CADPS: variants seen among roughly 807,000 people sequenced by gnomAD.
The protein encoded by CADPS is calcium dependent secretion activator, also known as calcium-dependent secretion activator 1.
Under a neutral mutation model 167.3 loss-of-function variants are expected in CADPS, and 57 were observed. The observed-to-expected ratio is 0.34, with a 90% CI of 0.28 to 0.42. CADPS has a LOEUF of 0.42. Ranked by LOEUF, CADPS falls within the 20% of genes least tolerant of loss-of-function variation. CADPS has a pLI of 1.00. For synonymous variants in CADPS, 676 were observed against 635.3 expected (o/e 1.06, Z -0.96); for missense variants, 1,414 against 1,738.1 (o/e 0.81, Z 3.32).
At chr3:62,669,425 G>T (rs1266015154) in intron 3 of CADPS, among the ~76,000 whole-genome samples, 1 of 152,212 alleles carries the variant, frequency 6.6e-6, no homozygotes. Context: ...ACCAGGAGAT[G>T]GGGGTGCCCA....
intron 17 of CADPS, among the ~76,000 whole-genome samples, chr3:62,509,131 C>T (rs897364345): frequency 6.6e-6 from 1 of 151,716 alleles, no homozygotes; most frequent in Admixed American, 6.6e-5. Context: ...GGTAAAACCC[C>T]ATCTCTACTA....
chr3:62,845,226 G>C (rs999364864), intron 1 of CADPS, among the ~76,000 whole-genome samples: 1 of 152,174 alleles, frequency 6.6e-6, no homozygotes, highest in East Asian at 1.9e-4. Flanking sequence ...GAGAGAACAA[G>C]AACTTGGCTT....
chr3:62,784,171 C>T (rs1418664692), intron 1 of CADPS, among the ~76,000 whole-genome samples: 1 of 152,048 alleles, frequency 6.6e-6, no homozygotes, highest in Non-Finnish European at 1.5e-5. Context: ...CTCTCACTGG[C>T]CATAGATGGT....
intron 6 of CADPS, among the ~76,000 whole-genome samples, chr3:62,605,246 A>AAAAC (rs200940010): frequency 0.021 from 42 of 2,046 alleles, no homozygotes; most frequent in South Asian, 0.056. Context: ...AATGAGGGGA[A>AAAAC]AAACAAAAAA....
At chr3:62,676,983 G>C (rs553772770) in intron 3 of CADPS, among the ~76,000 whole-genome samples, 1 of 152,072 alleles carries the variant, frequency 6.6e-6, no homozygotes, top group African/African-American at 2.4e-5. Flanking sequence ...AGAAAATTCT[G>C]AAAAATTCAT....
chr3:62,549,194 T>C (rs1355715833), intron 11 of CADPS, among the ~76,000 whole-genome samples: 1 of 152,256 alleles, frequency 6.6e-6, no homozygotes, highest in Admixed American at 6.5e-5. Context: ...ACTTTATTTC[T>C]CCATTTTCTT....
At chr3:62,827,439 C>A (rs919714508) in intron 1 of CADPS, among the ~76,000 whole-genome samples, 2 of 152,124 alleles carry the variant, frequency 1.3e-5, no homozygotes, top group East Asian at 1.9e-4. Context: ...TACTTTAATA[C>A]CCATTTCATA....
chr3:62,626,840 G>T (rs1315061757), intron 6 of CADPS, among the ~76,000 whole-genome samples: 1 of 152,152 alleles, frequency 6.6e-6, no homozygotes, highest in Non-Finnish European at 1.5e-5. Flanking sequence ...TAGTATCAAT[G>T]ATATGCTGAT....
Position 62,689,206 on chromosome 3 carries a change from AT to A in CADPS, c.889-26813del, listed in dbSNP as rs1191335522. Reference sequence around the variant, plus strand: ...TTCTCTAGGCAGAACAGCACAATTAATTTTTCCATGCTGTACCTGAGCTGAA... The same window carrying A: ...TTCTCTAGGCAGAACAGCACAATTAATTTTCCATGCTGTACCTGAGCTGAA... On this transcript the variant is annotated intron_variant, in intron 3 of 29. Transcript: ENST00000383710. Among the ~76,000 whole-genome samples, 3 of 151,708 alleles carry A rather than the reference AT, an allele frequency of 2.0e-5. No individual in the cohort carries two copies. In the South Asian group the frequency reaches 6.2e-4, roughly 31 times the overall value.
intron 19 of CADPS, among the ~76,000 whole-genome samples, chr3:62,492,821 G>A (rs2063971641): frequency 6.6e-6 from 1 of 152,136 alleles, no homozygotes; most frequent in African/African-American, 2.4e-5. Flanking sequence ...TTTCTTCACT[G>A]TGTTTATGGG....
chr3:62,586,412 C>T (rs1401300140), intron 7 of CADPS, among the ~76,000 whole-genome samples: 1 of 152,072 alleles, frequency 6.6e-6, no homozygotes, highest in Non-Finnish European at 1.5e-5. Context: ...CTTCACTAGT[C>T]ATGCAAGCTT....
intron 3 of CADPS, among the ~76,000 whole-genome samples, chr3:62,721,820 AT>A (rs34622289): frequency 6.6e-6 from 1 of 152,046 alleles, no homozygotes; most frequent in Non-Finnish European, 1.5e-5. Context: ...TTAAATCCGC[AT>A]TTTGCAAATG....
intron 26 of CADPS, among the ~76,000 whole-genome samples, chr3:62,460,864 T>C (rs1409112507): frequency 6.6e-6 from 1 of 152,198 alleles, no homozygotes; most frequent in African/African-American, 2.4e-5. Context: ...AGCCCTAAGA[T>C]AGGCTTTATT....
intron 6 of CADPS, among the ~76,000 whole-genome samples, chr3:62,635,009 T>C (rs921547242): frequency 1.1e-4 from 16 of 152,200 alleles, no homozygotes; most frequent in African/African-American, 3.4e-4. Context: ...GAGATCTGCA[T>C]TGGACGCTTG....
chr3:62,688,978 A>C (rs768672514), intron 3 of CADPS, among the ~76,000 whole-genome samples: 4 of 152,048 alleles, frequency 2.6e-5, no homozygotes, highest in Non-Finnish European at 4.4e-5. Context: ...GTCCCAGAAA[A>C]AAAATCTTTC....
At chr3:62,766,740 C>T (rs1004647944) in intron 1 of CADPS, among the ~76,000 whole-genome samples, 13 of 152,148 alleles carry the variant, frequency 8.5e-5, no homozygotes, top group African/African-American at 2.9e-4. Context: ...ACTCATTCTT[C>T]CTCCTCACCC....
intron 3 of CADPS, among the ~76,000 whole-genome samples, chr3:62,687,737 T>C (rs1286249978): frequency 2.5e-5 from 2 of 80,292 alleles, no homozygotes; most frequent in Non-Finnish European, 5.3e-5. Context: ...CCTTCGCATT[T>C]TTTTTTTTTT....
At chr3:62,842,622 T>C (rs574567539) in intron 1 of CADPS, among the ~76,000 whole-genome samples, 7 of 152,344 alleles carry the variant, frequency 4.6e-5, no homozygotes, top group African/African-American at 1.7e-4. Flanking sequence ...TCATCTCATT[T>C]AGCTGAATCC....
At chr3:62,626,362 C>A (rs150677217) in intron 6 of CADPS, 3 of 491,096 alleles carry the variant, frequency 6.1e-6, no homozygotes, top group Non-Finnish European at 7.1e-6. Flanking sequence ...AGAAAAGAAA[C>A]CATGGAATGC....
Sources: gnomAD v4.1 joint callset for allele counts (sites outside exome capture counted in the v4.1 genomes callset) on GRCh38, gnomAD v4.1.1 for gene constraint, MANE v1.5 for transcripts, NCBI Gene and HGNC (gene_info 2026-07-23, HGNC 2026-07-21) for gene names.